ANKRD31: variants seen among roughly 807,000 people sequenced by gnomAD.
ANKRD31 encodes ankyrin repeat domain-containing protein 31.
Under a neutral mutation model 186.0 loss-of-function variants are expected in ANKRD31, and 147 were observed. That is an observed-to-expected ratio of 0.79 (90% CI 0.69 to 0.91). The LOEUF (loss-of-function observed/expected upper bound fraction) is 0.91, where lower values mean the gene tolerates loss of function less well. Ranked by LOEUF, ANKRD31 falls within the 40% of genes least tolerant of loss-of-function variation. ANKRD31 has a pLI of 0.00. For synonymous variants in ANKRD31, 673 were observed against 736.4 expected (o/e 0.91, Z 1.39); for missense variants, 1,986 against 2,148.8 (o/e 0.92, Z 1.50).
chr5:75,126,920 A>G (rs1214052735), intron 17 of ANKRD31, among the ~76,000 whole-genome samples: 1 of 152,124 alleles, frequency 6.6e-6, no homozygotes, highest in East Asian at 1.9e-4. Context: ...CCTTTGCACC[A>G]TTGTTAAAAA....
intron 21 of ANKRD31, among the ~76,000 whole-genome samples, chr5:75,106,966 G>T (rs545849517): frequency 1.3e-5 from 2 of 151,908 alleles, no homozygotes; most frequent in African/African-American, 4.8e-5. Flanking sequence ...AATAGGGAGT[G>T]TAAGTAGCTA....
chr5:75,214,274 G>T (rs554139486), intron 3 of ANKRD31, among the ~76,000 whole-genome samples: 2 of 152,180 alleles, frequency 1.3e-5, no homozygotes, highest in South Asian at 2.1e-4. Context: ...GCTAAGTTAG[G>T]TGCTAAAGCC....
chr5:75,164,186 A>T (rs1580461809), intron 11 of ANKRD31, among the ~76,000 whole-genome samples: 2 of 152,100 alleles, frequency 1.3e-5, no homozygotes, highest in South Asian at 4.1e-4. Context: ...GCCTGTAGCT[A>T]TGTCAGTGAG....
At chr5:75,230,218 G>A (rs1381521401) in intron 2 of ANKRD31, among the ~76,000 whole-genome samples, 1 of 152,126 alleles carries the variant, frequency 6.6e-6, no homozygotes, top group East Asian at 1.9e-4. Flanking sequence ...TGAGCTGCCA[G>A]GATAGGCTTT....
At chr5:75,211,371 T>G (rs1422248624) in intron 3 of ANKRD31, among the ~76,000 whole-genome samples, 1 of 152,248 alleles carries the variant, frequency 6.6e-6, no homozygotes, top group Admixed American at 6.5e-5. Context: ...TGTACCACAT[T>G]TGGTTTATTC....
chr5:75,120,086 C>CA (rs760563480), intron 17 of ANKRD31, among the ~76,000 whole-genome samples: 11 of 145,874 alleles, frequency 7.5e-5, no homozygotes, highest in Non-Finnish European at 1.5e-4. Flanking sequence ...TGTAAAGAAT[C>CA]GTTACTAACT....
At chr5:75,149,099 G>A (rs148899706) in intron 12 of ANKRD31, among the ~76,000 whole-genome samples, 10 of 151,960 alleles carry the variant, frequency 6.6e-5, no homozygotes, top group East Asian at 3.9e-4. Context: ...AAGGCCAACC[G>A]TCTTGTGAAT....
intron 25 of ANKRD31, among the ~76,000 whole-genome samples, chr5:75,077,322 T>C (rs974011660): frequency 1.3e-5 from 2 of 152,178 alleles, no homozygotes; most frequent in Non-Finnish European, 2.9e-5. Context: ...CCTCCTGCCT[T>C]GGCCTCCCAA....
chr5:75,230,703 A>G, intron 1 of ANKRD31, 68 bp from the exon 2 acceptor site: 1 of 1,210,088 alleles, frequency 8.3e-7, no homozygotes, highest in Non-Finnish European at 1.2e-6. Flanking sequence ...CATTTTACCC[A>G]TCATTTTTAT....
At chr5:75,211,318 A>T (rs1184441962) in intron 3 of ANKRD31, among the ~76,000 whole-genome samples, 4 of 152,126 alleles carry the variant, frequency 2.6e-5, no homozygotes, top group African/African-American at 9.7e-5. Context: ...ATGTATCTGC[A>T]TTTTCTTCCA....
rs1385466499 is a variant in ANKRD31 at position 75,146,515 on chromosome 5, G to A, written c.2896C>T (p.Leu966Phe). 4 of 1,536,466 alleles carry A rather than the reference G, an allele frequency of 2.6e-6. No individual in the cohort carries two copies. In the African/African-American group the frequency reaches 5.5e-5, roughly 21 times the overall value. Residue 966 changes from leucine to phenylalanine, a missense_variant, in exon 14 of 26, where the codon CTT becomes TTT. Coordinates refer to ENST00000506364, the MANE Select transcript of ANKRD31 (RefSeq NM_001372053.1). Reference protein sequence around the residue: ...NELKAVSLTTLPEQEAVNFSY... With the variant: ...NELKAVSLTTFPEQEAVNFSY... ...AAATTAACAGCTTCCTGTTCTGGAA[G>A]TGTGGTTAGGCTGACTGCTTTTAAC...
intron 22 of ANKRD31, among the ~76,000 whole-genome samples, chr5:75,099,317 G>T (rs368317378): frequency 6.6e-6 from 1 of 152,132 alleles, no homozygotes; most frequent in African/African-American, 2.4e-5. Flanking sequence ...TTGATGTGCT[G>T]CTGGATTCAG....
intron 3 of ANKRD31, among the ~76,000 whole-genome samples, chr5:75,211,585 G>A (rs887092287): frequency 1.3e-5 from 2 of 152,164 alleles, no homozygotes; most frequent in Admixed American, 6.6e-5. Flanking sequence ...TTCCACAGCA[G>A]TTGCATCATT....
At chr5:75,102,457 G>C (rs975986076) in intron 22 of ANKRD31, among the ~76,000 whole-genome samples, 1 of 152,210 alleles carries the variant, frequency 6.6e-6, no homozygotes, top group South Asian at 2.1e-4. Flanking sequence ...TCTCTTCAAA[G>C]CTGTCAGACA....
In ANKRD31 at chr5:75,196,195, T is replaced by C. The variant is rs1159262764; in HGVS notation, c.453A>G (p.Leu151=). Residue 151 remains leucine, a synonymous_variant, in exon 7 of 26, where the codon CTA becomes CTG. Coordinates refer to ENST00000506364, the MANE Select transcript of ANKRD31 (RefSeq NM_001372053.1). ...PEVLPHIEKE[L]SEGRDSPEVS... is the part of the protein sequence containing the mutation. ...CTTCAGGAGAATCTCTGCCTTCACT[T>C]AGTTCCTGTGTATTACAAATAGAAA... is the stretch of plus-strand genomic sequence containing the variant. 6.8e-7 allele frequency: 1 copy of C among 1,469,460 alleles called. No homozygotes were observed. Among genetic ancestry groups the C allele is most frequent in the Non-Finnish European group, 8.9e-7 (1 of 1,118,984 alleles). The allele number at this position is 1,469,460 out of a possible 1,614,324, so 91.0% of individuals were successfully genotyped here. A position where few individuals can be genotyped will look rare whatever the true frequency, so the allele number is the denominator to read the frequency against.
intron 10 of ANKRD31, among the ~76,000 whole-genome samples, chr5:75,171,330 CCAAA>C (rs748644957): frequency 2.6e-5 from 4 of 151,722 alleles, no homozygotes; most frequent in Non-Finnish European, 4.4e-5. Context: ...TAGAGAATCC[CCAAA>C]CATTTTAAAA....
chr5:75,118,730 T>C (rs1748504341), intron 17 of ANKRD31, among the ~76,000 whole-genome samples: 1 of 152,186 alleles, frequency 6.6e-6, no homozygotes, highest in Admixed American at 6.6e-5. Context: ...TAAATTTAAA[T>C]AGCAAAAGTA....
chr5:75,110,914 T>A (rs897259137), intron 20 of ANKRD31, among the ~76,000 whole-genome samples: 4 of 151,212 alleles, frequency 2.6e-5, no homozygotes, highest in African/African-American at 9.7e-5. Flanking sequence ...AATTTATCAA[T>A]ATAAATCAAT....
chr5:75,198,141 C>T (rs959530178), intron 6 of ANKRD31, among the ~76,000 whole-genome samples: 4 of 152,170 alleles, frequency 2.6e-5, no homozygotes, highest in South Asian at 2.1e-4. Flanking sequence ...TGGTCAAATT[C>T]GAGGTCTTCT....
Sources: allele counts gnomAD v4.1 joint callset (sites outside exome capture counted in the v4.1 genomes callset), GRCh38; gene constraint gnomAD v4.1.1; transcripts MANE v1.5; gene names NCBI Gene and HGNC (gene_info 2026-07-23, HGNC 2026-07-21).